KAZN: variants seen among roughly 807,000 people sequenced by gnomAD.
KAZN encodes kazrin.
KAZN carries 40 observed loss-of-function variants against 87.4 expected under a neutral mutation model. The observed-to-expected ratio is 0.46, with a 90% CI of 0.36 to 0.60. KAZN has a LOEUF of 0.60. Among genes scored for constraint, KAZN ranks in the 20% least tolerant of loss-of-function variants. The probability of loss-of-function intolerance (pLI) is 0.00; values close to 1 mark genes in which losing one functional copy is unlikely to be tolerated. For missense variants in KAZN, 898 were observed against 1,073.9 expected (o/e 0.84, Z 2.29); for synonymous variants, 466 against 458.3 (o/e 1.02, Z -0.22).
At chr1:14,436,838 C>T (rs1439191643) in intron 2 of KAZN, among the ~76,000 whole-genome samples, 3 of 152,080 alleles carry the variant, frequency 2.0e-5, no homozygotes, top group East Asian at 1.9e-4. Flanking sequence ...CAAGGTCCGA[C>T]AGCTGGTCAG....
intron 2 of KAZN, among the ~76,000 whole-genome samples, chr1:14,219,193 A>T (rs1647036511): frequency 6.6e-6 from 1 of 152,148 alleles, no homozygotes. Context: ...AAATATAGGG[A>T]TGTATAATCA....
intron 1 of KAZN, among the ~76,000 whole-genome samples, chr1:14,872,937 T>TGG (rs771082885): frequency 3.1e-4 from 43 of 138,424 alleles, no homozygotes; most frequent in Non-Finnish European, 4.4e-4. Context: ...GATGGATGGA[T>TGG]AGATGGATGG....
rs1221993228 is a variant in KAZN, at chr1:14,906,952, C to T, written c.227-53732C>T. On this transcript the variant is annotated intron_variant, in intron 1 of 14. Coordinates refer to ENST00000376030, the MANE Select transcript of KAZN (RefSeq NM_201628.3). ...TTTGCACTGGAGCAGTGTTTTGTCC[C>T]TGGGGGAAGAATGACCCCCAGGATG... Among the ~76,000 whole-genome samples, 5 of 151,990 alleles carry T rather than the reference C, an allele frequency of 3.3e-5. No individual in the cohort carries two copies. The East Asian group carries it at 7.8e-4, about 24-fold the overall frequency.
chr1:14,934,690 C>A (rs1230629206), intron 1 of KAZN, among the ~76,000 whole-genome samples: 1 of 152,254 alleles, frequency 6.6e-6, no homozygotes, highest in Non-Finnish European at 1.5e-5. Flanking sequence ...GGTTCCCCAG[C>A]ACTGGAGGCA....
chr1:13,910,532 T>TC (rs1404206443), intron 1 of KAZN, among the ~76,000 whole-genome samples: 2 of 149,412 alleles, frequency 1.3e-5, no homozygotes, highest in African/African-American at 2.5e-5. Context: ...GTGTGACACC[T>TC]CCCCCACCTT....
intron 1 of KAZN, among the ~76,000 whole-genome samples, chr1:14,026,653 T>TTTTGTGCTTAGGGAATTTTAATGTG (rs1570559585): frequency 6.6e-6 from 1 of 152,294 alleles, no homozygotes; most frequent in East Asian, 1.9e-4. Context: ...TGCTTAGGAA[T>TTTTGTGCTTAGGGAATTTTAATGTG]CTCCTGGGGA....
chr1:14,598,438 G>A (rs1676653564), upstream of KAZN, among the ~76,000 whole-genome samples: 1 of 152,126 alleles, frequency 6.6e-6, no homozygotes, highest in Non-Finnish European at 1.5e-5. This position sits in a 1 kb window ranked among gnomAD's most constrained non-coding sequence, Gnocchi z 4.2. Context: ...GGCGGGGGCT[G>A]CCCCACCGCT....
intron 1 of KAZN, among the ~76,000 whole-genome samples, chr1:14,779,996 G>A (rs1469520941): frequency 7.2e-5 from 11 of 152,220 alleles, no homozygotes; most frequent in Admixed American, 6.5e-5. Flanking sequence ...CAGGCTCACT[G>A]CTAAGTGCTT....
At chr1:15,075,333 C>T (rs1243022174) in intron 8 of KAZN, among the ~76,000 whole-genome samples, 2 of 152,198 alleles carry the variant, frequency 1.3e-5, no homozygotes, top group Non-Finnish European at 2.9e-5. Context: ...ATCATATCTC[C>T]ACCCCTTATA....
intron 1 of KAZN, among the ~76,000 whole-genome samples, chr1:14,753,780 C>T (rs1354013278): frequency 6.6e-6 from 1 of 152,170 alleles, no homozygotes; most frequent in Non-Finnish European, 1.5e-5. Flanking sequence ...AGGGAGGGAA[C>T]ACACTAGAAT....
chr1:15,073,822 G>C (rs771645824), intron 8 of KAZN, among the ~76,000 whole-genome samples: 3 of 152,214 alleles, frequency 2.0e-5, no homozygotes, highest in African/African-American at 7.2e-5. Context: ...TCTGGGGCCA[G>C]TGATATCCCA....
chr1:14,186,047 T>C (rs958083866), intron 2 of KAZN, among the ~76,000 whole-genome samples: 1 of 152,184 alleles, frequency 6.6e-6, no homozygotes, highest in African/African-American at 2.4e-5. Flanking sequence ...TTGAATAGAA[T>C]AGTGTCTATC....
intron 2 of KAZN, among the ~76,000 whole-genome samples, chr1:14,327,368 C>T (rs1264818871): frequency 1.3e-5 from 2 of 152,128 alleles, no homozygotes; most frequent in African/African-American, 4.8e-5. Flanking sequence ...TTAGTCCCCC[C>T]ACACGCTGTC....
chr1:14,159,541 C>A (rs191587263), intron 1 of KAZN, among the ~76,000 whole-genome samples: 65 of 152,162 alleles, frequency 4.3e-4, no homozygotes, highest in Non-Finnish European at 7.6e-4. Flanking sequence ...CCCAGAAATG[C>A]GGTCCAAAAG....
Position 14,971,685 on chromosome 1 carries a change from T to C in KAZN, c.418+10810T>C, listed in dbSNP as rs528258959. ...TGTTTTTTTTTTTTTCTTTTTCTTT[T>C]TTTTTTTTTTTTTTGAGACGGACTC... is the stretch of plus-strand genomic sequence containing the variant. On this transcript the variant is annotated intron_variant, in intron 2 of 14. Transcript: ENST00000376030. 1.4e-3 allele frequency among the ~76,000 whole-genome samples: 206 copies of C among 142,610 alleles called. 7 individuals carry two copies. The South Asian group carries it at 0.038, about 26-fold the overall frequency. 93.6% of individuals were successfully genotyped at this position (142,610 alleles called of 152,430 possible). A position where few individuals can be genotyped will look rare whatever the true frequency, so the allele number is the denominator to read the frequency against.
At position 14,993,526 on chromosome 1, in the gene KAZN, G is replaced by A. The variant is rs7546666; in HGVS notation, c.418+32651G>A. ...AGTTCAGGTGGCGTCTGCCCCTAGC[G>A]GAAAGAATTCTACCAAGAGTCTGCA... is the stretch of plus-strand genomic sequence containing the variant. On this transcript the variant is annotated intron_variant, in intron 2 of 14. Transcript: ENST00000376030. 3.2e-3 allele frequency among the ~76,000 whole-genome samples: 488 copies of A among 151,942 alleles called. 4 individuals carry two copies. Among genetic ancestry groups the A allele is most frequent in the African/African-American group, 0.011 (469 of 41,472 alleles).
intron 1 of KAZN, among the ~76,000 whole-genome samples, chr1:14,081,220 G>T (rs1185817032): frequency 6.6e-6 from 1 of 151,990 alleles, no homozygotes; most frequent in African/African-American, 2.4e-5. Context: ...TTAAATTTAG[G>T]TGTTAATTAA....
chr1:14,462,963 C>G (rs1667933400), intron 2 of KAZN, among the ~76,000 whole-genome samples: 1 of 152,154 alleles, frequency 6.6e-6, no homozygotes, highest in African/African-American at 2.4e-5. Context: ...TGGTGTTAGA[C>G]AGCAATCTTT....
chr1:14,888,827 G>A (rs568561926), intron 1 of KAZN, among the ~76,000 whole-genome samples: 2 of 152,162 alleles, frequency 1.3e-5, no homozygotes, highest in African/African-American at 2.4e-5. Flanking sequence ...TCATCTCCCC[G>A]CCAGGACCCA....
Sources: gnomAD v4.1 joint callset for allele counts (sites outside exome capture counted in the v4.1 genomes callset) on GRCh38, gnomAD v4.1.1 for gene constraint, Gnocchi (gnomAD v3.1) non-coding constraint, MANE v1.5 for transcripts, NCBI Gene and HGNC (gene_info 2026-07-23, HGNC 2026-07-21) for gene names.